Variants in ADORA1 observed in about 807,000 individuals in gnomAD.
ADORA1 encodes adenosine receptor A1.
In ADORA1, 6 loss-of-function variants were observed where a neutral mutation model predicts 19.9. The observed-to-expected ratio is 0.30, with a 90% CI of 0.17 to 0.59. The LOEUF (loss-of-function observed/expected upper bound fraction) is 0.59. Among genes scored for constraint, ADORA1 ranks in the 20% least tolerant of loss-of-function variants. The pLI is 0.87. For missense variants in ADORA1, 302 were observed against 439.2 expected, an observed-to-expected ratio of 0.69 and a Z score of 2.79; for synonymous variants, 194 against 188.4, an observed-to-expected ratio of 1.03 and a Z score of -0.24.
chr1:203,149,138 A>G (rs1007167521), intron 3 of ADORA1, among the ~76,000 whole-genome samples: 4 of 152,028 alleles, frequency 2.6e-5, no homozygotes, highest in African/African-American at 9.7e-5. Flanking sequence ...TCAGCCTCCC[A>G]AAGTGCTGAG....
At chr1:203,162,095 C>T (rs113380098) in intron 3 of ADORA1, among the ~76,000 whole-genome samples, 7 of 152,306 alleles carry the variant, frequency 4.6e-5, no homozygotes, top group African/African-American at 1.7e-4. Context: ...TTCCACACAC[C>T]CTTACCCCAT....
intron 3 of ADORA1, among the ~76,000 whole-genome samples, chr1:203,153,874 C>A (rs1265809593): frequency 6.6e-6 from 1 of 152,150 alleles, no homozygotes; most frequent in African/African-American, 2.4e-5. Flanking sequence ...CTCTTGAGAT[C>A]CAAGTTTCCA....
At chr1:203,141,263 C>G (rs1019670669) in intron 3 of ADORA1, among the ~76,000 whole-genome samples, 3 of 152,240 alleles carry the variant, frequency 2.0e-5, no homozygotes, top group African/African-American at 7.2e-5. Context: ...CCTTTTGCCT[C>G]ATGTAGGAGA....
chr1:203,159,698 A>G lies in ADORA1; in HGVS notation c.342-5563A>G, dbSNP rs144985323. Among the ~76,000 whole-genome samples, 851 of 152,326 alleles carry G rather than the reference A, an allele frequency of 5.6e-3. 9 individuals are homozygous for G. The highest frequency in any genetic ancestry group is 0.028 in the South Asian group (137 of 4,818). On this transcript the variant is annotated intron_variant, in intron 3 of 3. Coordinates refer to ENST00000337894, the MANE Select transcript of ADORA1 (RefSeq NM_000674.3). ...TGCCTGTTTCTCTGTCTGCAGAATG[A>G]TATTTTCATGAGTCTGTTCTCTTCT...
At chr1:203,155,248 G>C (rs1332751893) in intron 3 of ADORA1, among the ~76,000 whole-genome samples, 1 of 152,002 alleles carries the variant, frequency 6.6e-6, no homozygotes, top group Non-Finnish European at 1.5e-5. Context: ...CACCATGTTG[G>C]CCAGGGTGGT....
At chr1:203,131,901 G>A (rs3766568) in intron 3 of ADORA1, among the ~76,000 whole-genome samples, 40,248 of 152,124 alleles carry the variant, frequency 0.26, 6,037 homozygotes, top group South Asian at 0.38. Flanking sequence ...GCCAGTCAAA[G>A]GTAGATGTGG....
chr1:203,150,161 A>G (rs1654985327), intron 3 of ADORA1: 2 of 152,622 alleles, frequency 1.3e-5, no homozygotes, highest in Non-Finnish European at 2.9e-5. Context: ...TTCCTGCTGC[A>G]TGTTGTTCTG....
chr1:203,132,839 T>C (rs574084436), intron 3 of ADORA1, among the ~76,000 whole-genome samples: 1 of 152,138 alleles, frequency 6.6e-6, no homozygotes, highest in South Asian at 2.1e-4. Flanking sequence ...AGAGCAAGAC[T>C]CTGTCTCAAT....
chr1:203,148,887 T>A (rs2102752361), intron 3 of ADORA1, among the ~76,000 whole-genome samples: 1 of 152,306 alleles, frequency 6.6e-6, no homozygotes, highest in South Asian at 2.1e-4. Flanking sequence ...CTCTGCATTT[T>A]TTTTTTTTAG....
At chr1:203,152,327 C>T (rs1655062385) in intron 3 of ADORA1, among the ~76,000 whole-genome samples, 1 of 152,212 alleles carries the variant, frequency 6.6e-6, no homozygotes, top group Non-Finnish European at 1.5e-5. Context: ...TCCTGGCTCC[C>T]TCCTGCCTGG....
intron 3 of ADORA1, among the ~76,000 whole-genome samples, chr1:203,164,364 G>A (rs1318738970): frequency 6.6e-6 from 1 of 152,242 alleles, no homozygotes; most frequent in Non-Finnish European, 1.5e-5. Flanking sequence ...TCTCAGCACA[G>A]GGAGCAATGC....
chr1:203,149,584 TGA>T (rs1033779704), intron 3 of ADORA1, among the ~76,000 whole-genome samples: 1 of 152,144 alleles, frequency 6.6e-6, no homozygotes, highest in Admixed American at 6.5e-5. Flanking sequence ...TAGACTCCTG[TGA>T]GAACCACCTA....
chr1:203,154,973 C>T (rs1487192796), intron 3 of ADORA1, among the ~76,000 whole-genome samples: 1 of 151,754 alleles, frequency 6.6e-6, no homozygotes, highest in Non-Finnish European at 1.5e-5. Flanking sequence ...GCTGGTTGGT[C>T]CCATGGTGTG....
intron 3 of ADORA1, among the ~76,000 whole-genome samples, chr1:203,155,936 G>T (rs1487449645): frequency 6.6e-6 from 1 of 152,226 alleles, no homozygotes; most frequent in East Asian, 1.9e-4. Flanking sequence ...TAATCTGACT[G>T]TCTCTAATTG....
intron 3 of ADORA1, among the ~76,000 whole-genome samples, chr1:203,144,120 A>ACC (rs1170480128): frequency 1.4e-5 from 2 of 146,192 alleles, no homozygotes; most frequent in Non-Finnish European, 3.1e-5. Context: ...ACACACACAC[A>ACC]CAGCTGTTCC....
intron 3 of ADORA1, among the ~76,000 whole-genome samples, chr1:203,132,867 A>T (rs927788953): frequency 2.0e-5 from 3 of 152,050 alleles, no homozygotes; most frequent in African/African-American, 7.2e-5. Flanking sequence ...AATAAATAAA[A>T]AGAAAGAAAT....
chr1:203,149,359 G>A (rs564688713), intron 3 of ADORA1, among the ~76,000 whole-genome samples: 1 of 152,340 alleles, frequency 6.6e-6, no homozygotes, highest in African/African-American at 2.4e-5. Flanking sequence ...AAGAAATGAC[G>A]GAAATTGAGT....
At chr1:203,154,902 T>C (rs572449866) in intron 3 of ADORA1, among the ~76,000 whole-genome samples, 1 of 152,234 alleles carries the variant, frequency 6.6e-6, no homozygotes, top group South Asian at 2.1e-4. Flanking sequence ...CCAAAGAGAA[T>C]TATGTAGGAC....
At position 203,165,427 on chromosome 1, in the gene ADORA1, G is replaced by A. The variant is rs899207013; in HGVS notation, c.508G>A (p.Glu170Lys). 2.5e-6 allele frequency: 4 copies of A among 1,613,250 alleles called. No homozygotes were observed. The highest frequency in any genetic ancestry group is 1.3e-5 in the African/African-American group (1 of 74,918). Residue 170 changes from glutamate to lysine, a missense_variant, in exon 4 of 4, where the codon GAG (glutamate) becomes AAG (lysine). By Grantham distance (56) the Glu-to-Lys change is moderately conservative. Transcript: ENST00000337894. This position sits in a 1 kb window ranked among gnomAD's most constrained non-coding sequence, Gnocchi z 5.9. The part of the protein sequence containing the change: ...GSMGEPVIKC[E>K]FEKVISMEYM... ...CATGGGGGAGCCCGTGATCAAGTGC[G>A]AGTTCGAGAAGGTCATCAGCATGGA...
Sources: allele counts gnomAD v4.1 joint callset (sites outside exome capture counted in the v4.1 genomes callset), GRCh38; gene constraint gnomAD v4.1.1; non-coding constraint Gnocchi (gnomAD v3.1); transcripts MANE v1.5; gene names NCBI Gene and HGNC (gene_info 2026-07-23, HGNC 2026-07-21).